The following NRG1 variants were observed in gnomAD, a reference collection of about 807,000 sequenced individuals.
The protein encoded by NRG1 is neuregulin 1, also known as pro-neuregulin-1, membrane-bound isoform.
A neutral mutation model predicts 63.8 loss-of-function variants in NRG1; 18 were observed. That is an observed-to-expected ratio of 0.28 (90% confidence interval 0.19 to 0.42). The LOEUF is 0.42. NRG1 is among the 10% of genes least tolerant of loss of function. The pLI is 1.00. For missense variants in NRG1, 762 were observed against 814.7 expected, an observed-to-expected ratio of 0.94 and a Z score of 0.79; for synonymous variants, 302 against 301.3, an observed-to-expected ratio of 1.00 and a Z score of -0.02.
intron 1 of NRG1, among the ~76,000 whole-genome samples, chr8:31,927,027 T>C (rs1258607469): frequency 6.6e-6 from 1 of 152,180 alleles, no homozygotes; most frequent in Non-Finnish European, 1.5e-5. Flanking sequence ...TTTTTTTTAG[T>C]AATAAATTAA....
At chr8:31,797,185 T>C (rs1821308609) in intron 1 of NRG1, among the ~76,000 whole-genome samples, 1 of 152,220 alleles carries the variant, frequency 6.6e-6, no homozygotes, top group Non-Finnish European at 1.5e-5. Context: ...TCCATGAAAT[T>C]GTGAGACTTA....
intron 1 of NRG1, among the ~76,000 whole-genome samples, chr8:32,508,838 C>A (rs989974914): frequency 6.6e-6 from 1 of 151,712 alleles, no homozygotes; most frequent in African/African-American, 2.4e-5. Context: ...CAGGTTCAAG[C>A]AATTCTCAGG....
At chr8:32,159,689 C>T (rs1383569974) in intron 1 of NRG1, among the ~76,000 whole-genome samples, 1 of 151,856 alleles carries the variant, frequency 6.6e-6, no homozygotes, top group Non-Finnish European at 1.5e-5. Flanking sequence ...TAAGTGAATA[C>T]ATTACATAAT....
At chr8:32,334,838 A>T (rs1803059214) in intron 1 of NRG1, among the ~76,000 whole-genome samples, 1 of 152,214 alleles carries the variant, frequency 6.6e-6, no homozygotes, top group Non-Finnish European at 1.5e-5. Flanking sequence ...AATGTTATGA[A>T]TAACAAAGAG....
chr8:31,893,802 A>G (rs1831341095), intron 1 of NRG1, among the ~76,000 whole-genome samples: 1 of 152,024 alleles, frequency 6.6e-6, no homozygotes, highest in South Asian at 2.1e-4. Context: ...CAGCATTTTT[A>G]GAGATAAATA....
At chr8:32,437,837 C>CTCAGCT (rs1818979979) in intron 1 of NRG1, among the ~76,000 whole-genome samples, 1 of 152,050 alleles carries the variant, frequency 6.6e-6, no homozygotes, top group African/African-American at 2.4e-5. Flanking sequence ...GAGCTACATT[C>CTCAGCT]CACCCAATAG....
At chr8:32,765,582 T>A (rs1444315249) in exon 12 of NRG1, 1 of 152,226 alleles carries the variant, frequency 6.6e-6, no homozygotes, top group Non-Finnish European at 1.5e-5. Context: ...TTTTCTTTTA[T>A]CTTTCCATGT....
intron 1 of NRG1, among the ~76,000 whole-genome samples, chr8:32,393,653 G>T (rs140404346): frequency 0.013 from 1,918 of 152,256 alleles, 41 homozygotes; most frequent in African/African-American, 0.038. Flanking sequence ...AATACTGCAT[G>T]TTCTCACTTA....
At chr8:32,475,759 A>G (rs2129491696) in intron 1 of NRG1, among the ~76,000 whole-genome samples, 1 of 152,300 alleles carries the variant, frequency 6.6e-6, no homozygotes, top group East Asian at 1.9e-4. Flanking sequence ...TGGCAGAGGG[A>G]AAAGAAGATG....
chr8:32,015,459 A>G (rs1815370462), intron 1 of NRG1, among the ~76,000 whole-genome samples: 1 of 152,026 alleles, frequency 6.6e-6, no homozygotes, highest in African/African-American at 2.4e-5. Context: ...GGAAGCAAAA[A>G]CTTTTTCTTA....
exon 12 of NRG1, chr8:32,764,614 G>T: frequency 2.3e-6 from 1 of 436,118 alleles, no homozygotes; most frequent in Non-Finnish European, 4.0e-6. Flanking sequence ...AGATATCAAT[G>T]GTGCCTTTAT....
chr8:32,083,789 T>TC (rs1356801513), intron 1 of NRG1, among the ~76,000 whole-genome samples: 1 of 151,764 alleles, frequency 6.6e-6, no homozygotes, highest in East Asian at 1.9e-4. Context: ...ATGTATTTTT[T>TC]TAATAAAAGA....
In NRG1 at chr8:32,527,098, A is replaced by T. The variant is rs564933894; in HGVS notation, c.38-68730A>T. On this transcript the variant is annotated intron_variant, in intron 1 of 10. Coordinates refer to the NRG1 transcript ENST00000519301. ...TGCAAACTTAATTTCTCAAAGAATT[A>T]AAAATAGAACTACCATTCGATCCAG... Among the ~76,000 whole-genome samples the T allele has an allele frequency of 2.6e-5, 4 of 152,360 alleles. No homozygotes were observed. In the South Asian group the frequency reaches 8.3e-4, roughly 32 times the overall value.
intron 1 of NRG1, among the ~76,000 whole-genome samples, chr8:32,109,225 C>T (rs913717773): frequency 6.6e-5 from 10 of 152,116 alleles, no homozygotes; most frequent in African/African-American, 2.2e-4. Context: ...AAACATCTTC[C>T]CACTTTCATG....
At chr8:31,752,225 G>T (rs1816547259) in intron 1 of NRG1, among the ~76,000 whole-genome samples, 1 of 152,032 alleles carries the variant, frequency 6.6e-6, no homozygotes, top group Non-Finnish European at 1.5e-5. Flanking sequence ...AAACAATTTT[G>T]TTGGTTTTTG....
rs1410158371 is a variant in NRG1, at chr8:32,648,525, G to A, written c.502+31640G>A. 8 of 1,300,046 alleles carry A rather than the reference G, an allele frequency of 6.2e-6. No individual in the cohort carries two copies. The East Asian group carries it at 1.5e-4, about 25-fold the overall frequency. 80.5% of individuals were successfully genotyped at this position (1,300,046 alleles called of 1,614,324 possible). A position where few individuals can be genotyped will look rare whatever the true frequency, so the allele number is the denominator to read the frequency against. On this transcript the variant is annotated intron_variant, in intron 5 of 11. Coordinates refer to ENST00000356819, the Ensembl canonical transcript of NRG1. ...CAAAGCCTATGTTTGAGATGCTTGG[G>A]ATGGCATTGAAGGGCCGAGTAAAAT...
At chr8:31,669,418 T>C (rs1250859722) in intron 1 of NRG1, among the ~76,000 whole-genome samples, 1 of 152,050 alleles carries the variant, frequency 6.6e-6, no homozygotes, top group Admixed American at 6.6e-5. Context: ...TTGTATTTTT[T>C]TGTAGAGATG....
At position 31,976,662 on chromosome 8, in the gene NRG1, GGTGT is replaced by G. The variant is rs55763806; in HGVS notation, c.37+337264_37+337267del. On this transcript the variant is annotated intron_variant, in intron 1 of 10. Transcript: ENST00000519301. ...GGTCAATGGGTGAGGATCTGCCATG[GGTGT>G]GTGTGTGTGTGTGTGTGTGTGTGTG... Among the ~76,000 whole-genome samples, 854 of 150,562 alleles carry G rather than the reference GGTGT, an allele frequency of 5.7e-3. 10 individuals carry two copies. Among genetic ancestry groups the G allele is most frequent in the South Asian group, 0.022 (102 of 4,744 alleles).
intron 1 of NRG1, among the ~76,000 whole-genome samples, chr8:31,949,689 C>T (rs1169379064): frequency 6.6e-6 from 1 of 152,190 alleles, no homozygotes; most frequent in Non-Finnish European, 1.5e-5. Context: ...GTCATCTTCT[C>T]TTGCCCCTGG....
Sources: allele counts gnomAD v4.1 joint callset (sites outside exome capture counted in the v4.1 genomes callset), GRCh38; gene constraint gnomAD v4.1.1; transcripts MANE v1.5; gene names NCBI Gene and HGNC (gene_info 2026-07-23, HGNC 2026-07-21).